Variants in TBC1D23 observed in about 807,000 individuals in gnomAD.
TBC1D23 encodes HCV non-structural protein 4A-transactivated protein 1.
In TBC1D23, 55 loss-of-function variants were observed where a neutral mutation model predicts 91.4. The ratio of observed to expected loss-of-function variants is 0.60; its 90% CI spans 0.48 to 0.75. TBC1D23 has a LOEUF of 0.75. TBC1D23 is among the 30% of genes least tolerant of loss of function. TBC1D23 has a pLI of 0.00. For synonymous variants in TBC1D23, 289 were observed against 281.0 expected (o/e 1.03, Z -0.28); for missense variants, 725 against 836.1 (o/e 0.87, Z 1.64).
chr3:100,307,718 G>A (rs969458479), intron 13 of TBC1D23, among the ~76,000 whole-genome samples: 1 of 152,002 alleles, frequency 6.6e-6, no homozygotes, highest in Non-Finnish European at 1.5e-5. Context: ...CTTAGTAAAC[G>A]TTTGCTATTT....
chr3:100,288,821 C>T (rs2067765421), intron 4 of TBC1D23, among the ~76,000 whole-genome samples: 1 of 152,208 alleles, frequency 6.6e-6, no homozygotes. Context: ...TTGAGTTAGT[C>T]AGCATCTTGT....
intron 7 of TBC1D23, 59 bp downstream of exon 7, chr3:100,295,407 C>A: frequency 7.2e-7 from 1 of 1,381,866 alleles, no homozygotes; most frequent in Non-Finnish European, 9.9e-7. Flanking sequence ...GTAAGTTACT[C>A]AGTTTCCTCA....
chr3:100,295,063 T>C, intron 5 of TBC1D23, 24 bp from the exon 6 acceptor site: 1 of 1,553,268 alleles, frequency 6.4e-7, no homozygotes, highest in Non-Finnish European at 8.6e-7. Flanking sequence ...GGTTTATGTC[T>C]CTCATTTCAT....
At chr3:100,268,141 CAG>C (rs536090321) in intron 1 of TBC1D23, among the ~76,000 whole-genome samples, 73 of 152,244 alleles carry the variant, frequency 4.8e-4, no homozygotes, top group African/African-American at 1.7e-3. Flanking sequence ...AGCCTGGTGA[CAG>C]AGTGAGACTC....
intron 11 of TBC1D23, 27 bp from the exon 12 acceptor site, chr3:100,304,819 G>C (rs778367658): frequency 1.7e-5 from 21 of 1,220,952 alleles, no homozygotes; most frequent in Non-Finnish European, 2.4e-6. Flanking sequence ...AGTTTTGGAA[G>C]AATTTAAATT....
chr3:100,272,075 AATT>A (rs1266768594), intron 1 of TBC1D23, among the ~76,000 whole-genome samples: 1 of 152,168 alleles, frequency 6.6e-6, no homozygotes, highest in African/African-American at 2.4e-5. Context: ...CCCTCAAATT[AATT>A]ATTTTCTCCA....
rs533063703 is a variant in TBC1D23 at position 100,276,058 on chromosome 3, G to T, written c.54-3591G>T. Among the ~76,000 whole-genome samples the T allele has an allele frequency of 4.7e-5, 7 of 150,372 alleles. 1 individual carries two copies. The highest frequency in any genetic ancestry group is 1.7e-4 in the African/African-American group (7 of 40,926). ...GCGAGTGACTGCTAATGGGTATGGG[G>T]TTTCTTTAAGTGCAGAAAGATACTT... On this transcript the variant is annotated intron_variant, in intron 1 of 18. Transcript: ENST00000394144.
At chr3:100,321,025 T>G in intron 18 of TBC1D23, 54 bp downstream of exon 18, 1 of 1,286,538 alleles carries the variant, frequency 7.8e-7, no homozygotes, top group Non-Finnish European at 1.1e-6. Flanking sequence ...TCTGAATTAC[T>G]GTAGTTCACT....
chr3:100,293,294 C>T (rs559739093), intron 5 of TBC1D23, among the ~76,000 whole-genome samples: 1 of 152,062 alleles, frequency 6.6e-6, no homozygotes, highest in Non-Finnish European at 1.5e-5. Context: ...CCACCACACC[C>T]GGCTAATTTT....
chr3:100,265,792 T>C (rs2067552791), intron 1 of TBC1D23, among the ~76,000 whole-genome samples: 1 of 152,208 alleles, frequency 6.6e-6, no homozygotes, highest in African/African-American at 2.4e-5. Context: ...TTTCTTAAAA[T>C]TGTAAAAATA....
In TBC1D23 at chr3:100,311,102, A is replaced by G. The variant is rs115864000; in HGVS notation, c.1553+560A>G. ...TATATATTGTTTCTTATTGTAACTG[A>G]GGATACATTTTTTTCTCCACGTATA... On this transcript the variant is annotated intron_variant, in intron 14 of 18. Transcript: ENST00000394144. Among the ~76,000 whole-genome samples the G allele has an allele frequency of 6.8e-3, 1,037 of 152,296 alleles. 16 individuals carry two copies. The highest frequency in any genetic ancestry group is 0.024 in the African/African-American group (997 of 41,566).
chr3:100,273,333 A>G (rs1259168719), intron 1 of TBC1D23, among the ~76,000 whole-genome samples: 3 of 152,220 alleles, frequency 2.0e-5, no homozygotes, highest in Non-Finnish European at 4.4e-5. Context: ...ATAGATTAAC[A>G]GCATCTCAAG....
chr3:100,282,416 T>C (rs1057436751), intron 3 of TBC1D23, among the ~76,000 whole-genome samples: 5 of 152,244 alleles, frequency 3.3e-5, no homozygotes, highest in African/African-American at 1.2e-4. Flanking sequence ...TTGATTTTTA[T>C]ATAATTAAAG....
At chr3:100,307,140 TA>T (rs1319853761) in intron 13 of TBC1D23, among the ~76,000 whole-genome samples, 8 of 152,384 alleles carry the variant, frequency 5.2e-5, no homozygotes, top group African/African-American at 1.9e-4. Context: ...CTACAGTGGA[TA>T]AATCTGTTTT....
intron 5 of TBC1D23, among the ~76,000 whole-genome samples, chr3:100,293,528 C>T (rs2067811317): frequency 6.6e-6 from 1 of 152,184 alleles, no homozygotes; most frequent in African/African-American, 2.4e-5. Context: ...TCCTAAACCA[C>T]TGTGAGCAAT....
intron 1 of TBC1D23, among the ~76,000 whole-genome samples, chr3:100,278,694 A>G (rs1411867964): frequency 6.6e-6 from 1 of 152,138 alleles, no homozygotes; most frequent in Non-Finnish European, 1.5e-5. Context: ...GGAATTGATA[A>G]TTTAACTGGT....
intron 1 of TBC1D23, among the ~76,000 whole-genome samples, chr3:100,276,551 C>T (rs987782079): frequency 6.6e-6 from 1 of 152,102 alleles, no homozygotes; most frequent in Non-Finnish European, 1.5e-5. Context: ...TGTTATTCAC[C>T]ATTTGGCTAA....
chr3:100,295,466 A>C (rs1480988579), intron 7 of TBC1D23, 118 bp downstream of exon 7: 1 of 747,194 alleles, frequency 1.3e-6, no homozygotes, highest in African/African-American at 1.8e-5. Flanking sequence ...GCTCCATTCA[A>C]CTCTCAGATT....
Position 100,279,653 on chromosome 3 carries a change from A to G in TBC1D23, c.58A>G (p.Lys20Glu), listed in dbSNP as rs760509543. The change falls in exon 2 of 19, where the codon AAA becomes GAA. Residue 20 changes from lysine to glutamate, a missense_variant. Coordinates refer to ENST00000394144, the MANE Select transcript of TBC1D23 (RefSeq NM_001199198.3). ...LPTSSGDGWE[K>E]DLEEALEAGG... ...TAAATAGGACTTATTTTTTAGGGAA[A>G]AAGATCTTGAAGAAGCTCTGGAAGC... 6.3e-7 allele frequency: 1 copy of G among 1,589,030 alleles called. No individual in the cohort carries two copies. The highest frequency in any genetic ancestry group is 8.6e-7 in the Non-Finnish European group (1 of 1,164,778).
Sources: allele counts gnomAD v4.1 joint callset (sites outside exome capture counted in the v4.1 genomes callset), GRCh38; gene constraint gnomAD v4.1.1; transcripts MANE v1.5; gene names NCBI Gene and HGNC (gene_info 2026-07-23, HGNC 2026-07-21).